Variants in GRIK1 observed in about 807,000 individuals in gnomAD.
GRIK1 encodes the protein glutamate receptor ionotropic, kainate 1.
Under a neutral mutation model 105.7 loss-of-function variants are expected in GRIK1, and 69 were observed. The ratio of observed to expected loss-of-function variants is 0.65; its 90% CI spans 0.54 to 0.80. The LOEUF (loss-of-function observed/expected upper bound fraction) is 0.80. Ranked by LOEUF, GRIK1 falls within the 30% of genes least tolerant of loss-of-function variation. The pLI is 0.00. For missense variants in GRIK1, 1,109 were observed against 1,167.3 expected, an observed-to-expected ratio of 0.95 and a Z score of 0.73; for synonymous variants, 438 against 431.3, an observed-to-expected ratio of 1.02 and a Z score of -0.19.
At chr21:29,680,919 G>A (rs1258841110) in intron 3 of GRIK1, among the ~76,000 whole-genome samples, 3 of 152,192 alleles carry the variant, frequency 2.0e-5, no homozygotes, top group African/African-American at 7.2e-5. Context: ...TGGATCACGA[G>A]GTCAGGAGTT....
chr21:29,875,649 A>G (rs2069166395), intron 1 of GRIK1, among the ~76,000 whole-genome samples: 1 of 152,098 alleles, frequency 6.6e-6, no homozygotes, highest in African/African-American at 2.4e-5. Context: ...TGTAGAGCCC[A>G]CCATGACCCA....
At chr21:29,641,410 C>T (rs368794428) in intron 7 of GRIK1, among the ~76,000 whole-genome samples, 42 of 152,292 alleles carry the variant, frequency 2.8e-4, no homozygotes, top group African/African-American at 7.0e-4. Flanking sequence ...TTTCACTTTC[C>T]GCCATGATTG....
intron 13 of GRIK1, among the ~76,000 whole-genome samples, chr21:29,580,358 C>G (rs1004984189): frequency 6.6e-6 from 1 of 151,938 alleles, no homozygotes; most frequent in African/African-American, 2.4e-5. Context: ...CAAATTACTT[C>G]TAGTAAATCA....
In GRIK1 at chr21:29,596,971, A is replaced by AAC. The variant is rs3831784; in HGVS notation, c.1207-403_1207-402dup. On this transcript the variant is annotated intron_variant, in intron 8 of 17. Transcript: ENST00000327783. ...CAATCAATACACACACACACACACA[A>AAC]ACACACACACACACAGACACACACA... 4.1e-4 allele frequency among the ~76,000 whole-genome samples: 62 copies of AAC among 151,112 alleles called. 1 individual carries two copies. The East Asian group carries it at 6.4e-3, about 16-fold the overall frequency.
At chr21:29,741,043 G>A (rs909016533) in intron 1 of GRIK1, among the ~76,000 whole-genome samples, 2 of 152,196 alleles carry the variant, frequency 1.3e-5, no homozygotes, top group African/African-American at 4.8e-5. Flanking sequence ...AGGGCGATGT[G>A]TACTCAATCC....
intron 1 of GRIK1, among the ~76,000 whole-genome samples, chr21:29,731,701 C>T (rs1025419530): frequency 4.6e-5 from 7 of 152,176 alleles, no homozygotes; most frequent in South Asian, 4.1e-4. Flanking sequence ...AATTAGAACA[C>T]GAACCAGATG....
intron 1 of GRIK1, among the ~76,000 whole-genome samples, chr21:29,767,100 C>A (rs958235798): frequency 1.3e-5 from 2 of 152,062 alleles, no homozygotes; most frequent in African/African-American, 4.8e-5. Context: ...GTGTGACTGG[C>A]ACATACTTCA....
chr21:29,612,678 G>C (rs972782504), intron 7 of GRIK1, among the ~76,000 whole-genome samples: 10 of 152,142 alleles, frequency 6.6e-5, no homozygotes, highest in African/African-American at 1.9e-4. Context: ...TTGAAAAGCT[G>C]TATGGAAAAC....
intron 4 of GRIK1, among the ~76,000 whole-genome samples, chr21:29,661,931 G>A (rs1404874933): frequency 6.6e-6 from 1 of 152,160 alleles, no homozygotes; most frequent in East Asian, 1.9e-4. Context: ...CACAAGTCTA[G>A]GGTTTTTCCT....
At chr21:29,563,694 G>A (rs758127111) in intron 14 of GRIK1, among the ~76,000 whole-genome samples, 1 of 152,142 alleles carries the variant, frequency 6.6e-6, no homozygotes, top group Non-Finnish European at 1.5e-5. Context: ...GCACAGCTGC[G>A]AAAATTATTC....
At chr21:29,625,355 G>A (rs985881618) in intron 7 of GRIK1, among the ~76,000 whole-genome samples, 1 of 152,184 alleles carries the variant, frequency 6.6e-6, no homozygotes, top group African/African-American at 2.4e-5. Context: ...ACTTAATTGT[G>A]AGAATCTCTG....
At chr21:29,610,527 G>A (rs1220340446) in intron 7 of GRIK1, among the ~76,000 whole-genome samples, 2 of 152,302 alleles carry the variant, frequency 1.3e-5, no homozygotes, top group East Asian at 1.9e-4. Flanking sequence ...TGCTGGCTTT[G>A]AGGATGGAGG....
chr21:29,679,184 GT>G (rs745622375), intron 3 of GRIK1, among the ~76,000 whole-genome samples: 2 of 151,892 alleles, frequency 1.3e-5, no homozygotes, highest in African/African-American at 2.4e-5. Flanking sequence ...AGGGTTGATT[GT>G]TTTTTTCAAT....
At chr21:29,864,758 C>T (rs1444175201) in intron 1 of GRIK1, among the ~76,000 whole-genome samples, 2 of 151,896 alleles carry the variant, frequency 1.3e-5, no homozygotes, top group African/African-American at 4.8e-5. Flanking sequence ...GTTTGTTGTC[C>T]ATCAGTTCTT....
At chr21:29,886,411 A>G (rs1267832157) in intron 1 of GRIK1, among the ~76,000 whole-genome samples, 3 of 152,138 alleles carry the variant, frequency 2.0e-5, no homozygotes, top group Non-Finnish European at 4.4e-5. Flanking sequence ...CTGACACTGC[A>G]GTGTGTTCAT....
At chr21:29,898,251 C>T (rs1313121798) in intron 1 of GRIK1, among the ~76,000 whole-genome samples, 1 of 152,172 alleles carries the variant, frequency 6.6e-6, no homozygotes, top group Non-Finnish European at 1.5e-5. Flanking sequence ...AAGTCCCTGC[C>T]CCATGAAGCT....
chr21:29,799,380 T>C (rs1316378511), intron 1 of GRIK1, among the ~76,000 whole-genome samples: 1 of 152,206 alleles, frequency 6.6e-6, no homozygotes, highest in Non-Finnish European at 1.5e-5. Flanking sequence ...CCACTTAACA[T>C]GTAAACAAAT....
chr21:29,706,911 CTGGAGTGCAG>C (rs1392900564), intron 1 of GRIK1, among the ~76,000 whole-genome samples: 1 of 152,170 alleles, frequency 6.6e-6, no homozygotes, highest in Non-Finnish European at 1.5e-5. Flanking sequence ...GTTGCCCAGG[CTGGAGTGCAG>C]TGGTGAGATC....
chr21:29,921,895 C>T (rs974642418), intron 1 of GRIK1, among the ~76,000 whole-genome samples: 7 of 152,144 alleles, frequency 4.6e-5, no homozygotes, highest in African/African-American at 1.4e-4. Flanking sequence ...GTACTAGGTG[C>T]TCATTACTTT....
Sources: allele counts gnomAD v4.1 joint callset (sites outside exome capture counted in the v4.1 genomes callset), GRCh38; gene constraint gnomAD v4.1.1; transcripts MANE v1.5; gene names NCBI Gene and HGNC (gene_info 2026-07-23, HGNC 2026-07-21).